ANKFN1: variants seen among roughly 807,000 people sequenced by gnomAD.
ANKFN1 encodes the protein ankyrin repeat and fibronectin type-III domain-containing protein 1.
A neutral mutation model predicts 108.7 loss-of-function variants in ANKFN1; 74 were observed. That is an observed-to-expected ratio of 0.68 (90% confidence interval 0.56 to 0.83). The LOEUF is 0.83. Ranked by LOEUF, ANKFN1 falls within the 40% of genes least tolerant of loss-of-function variation. The pLI is 0.00. For synonymous variants in ANKFN1, 547 were observed against 516.2 expected (o/e 1.06, Z -0.81); for missense variants, 1,505 against 1,382.3 (o/e 1.09, Z -1.41).
In ANKFN1 at chr17:56,500,035, C is replaced by G. The variant is rs1005485189; in HGVS notation, c.2644+937C>G. 7.2e-5 allele frequency among the ~76,000 whole-genome samples: 11 copies of G among 152,254 alleles called. No homozygotes were observed. In the South Asian group the frequency reaches 1.7e-3, roughly 23 times the overall value. ...GAGCTTGCACTTAGAAATCAGAGAC[C>G]TGGATTCAAATCCCAGCTTTGTTTT... On this transcript the variant is annotated intron_variant, in intron 20 of 20. Transcript: ENST00000682825.
chr17:56,215,139 G>A (rs1365748848), intron 2 of ANKFN1, among the ~76,000 whole-genome samples: 2 of 152,150 alleles, frequency 1.3e-5, no homozygotes, highest in Non-Finnish European at 2.9e-5. Flanking sequence ...CATCTTTTGT[G>A]GCCAAGTAAT....
intron 1 of ANKFN1, among the ~76,000 whole-genome samples, chr17:56,180,546 A>C (rs552457931): frequency 3.3e-5 from 5 of 152,334 alleles, no homozygotes; most frequent in African/African-American, 1.2e-4. Context: ...TTGGCATCTA[A>C]TTTATAAAAT....
chr17:56,229,047 G>A (rs1249202683), intron 3 of ANKFN1, among the ~76,000 whole-genome samples: 1 of 152,082 alleles, frequency 6.6e-6, no homozygotes, highest in Non-Finnish European at 1.5e-5. Flanking sequence ...TTCCCTAGGG[G>A]TTGGTTTTTT....
At chr17:56,241,658 T>G (rs1046798806) in intron 3 of ANKFN1, among the ~76,000 whole-genome samples, 2 of 152,136 alleles carry the variant, frequency 1.3e-5, no homozygotes, top group African/African-American at 4.8e-5. Context: ...CTATATATAC[T>G]ATGTCTTTTC....
intron 15 of ANKFN1, among the ~76,000 whole-genome samples, chr17:56,476,826 G>A (rs77125158): frequency 0.015 from 2,295 of 152,230 alleles, 44 homozygotes; most frequent in East Asian, 0.089. Context: ...TATCATTTTA[G>A]CTATCATACA....
intron 3 of ANKFN1, among the ~76,000 whole-genome samples, chr17:56,293,668 G>A (rs999880492): frequency 1.1e-4 from 17 of 152,206 alleles, no homozygotes; most frequent in African/African-American, 3.6e-4. Context: ...GCACAGAACA[G>A]ATGCTACCCA....
chr17:56,176,708 C>T lies in ANKFN1; in HGVS notation c.-71+23178C>T, dbSNP rs141317179. Among the ~76,000 whole-genome samples, 48 of 152,204 alleles carry T rather than the reference C, an allele frequency of 3.2e-4. No individual in the cohort carries two copies. The East Asian group carries it at 8.7e-3, about 28-fold the overall frequency. On this transcript the variant is annotated intron_variant, in intron 1 of 20. Coordinates refer to ENST00000682825, the MANE Select transcript of ANKFN1 (RefSeq NM_001370326.1). ...TGGAGCCTTGAACTAGGTCACCTGT[C>T]TTGTATGTAGGAAAACACTTCTTTG...
At chr17:56,467,783 G>GAAAGAAAGAAAGAGAA (rs2050145430) in intron 15 of ANKFN1, among the ~76,000 whole-genome samples, 4 of 22,866 alleles carry the variant, frequency 1.7e-4, no homozygotes, top group Admixed American at 8.3e-4. Context: ...AAGAAAGAAA[G>GAAAGAAAGAAAGAGAA]AAAGAAAGAA....
intron 4 of ANKFN1, among the ~76,000 whole-genome samples, chr17:56,121,131 C>T (rs1906591450): frequency 6.6e-6 from 1 of 151,876 alleles, no homozygotes; most frequent in South Asian, 2.1e-4. Flanking sequence ...GTCCAGATGT[C>T]CCCATCCTAC....
chr17:56,060,609 A>G (rs1904957137), intron 4 of ANKFN1, among the ~76,000 whole-genome samples: 1 of 152,162 alleles, frequency 6.6e-6, no homozygotes, highest in African/African-American at 2.4e-5. Flanking sequence ...TTTTCCATCA[A>G]TACCTAGTTT....
At chr17:56,423,368 C>T (rs554074332) in intron 8 of ANKFN1, among the ~76,000 whole-genome samples, 1 of 152,318 alleles carries the variant, frequency 6.6e-6, no homozygotes, top group East Asian at 1.9e-4. Flanking sequence ...TGAGAAGCAG[C>T]TCGCTGATTT....
At chr17:56,472,874 A>G (rs1258952727) in intron 15 of ANKFN1, 2 of 152,176 alleles carry the variant, frequency 1.3e-5, no homozygotes, top group Non-Finnish European at 2.9e-5. Flanking sequence ...AAAGAAAGAG[A>G]GAGAAAGAAC....
At chr17:56,102,611 T>C (rs371339508) in intron 4 of ANKFN1, among the ~76,000 whole-genome samples, 10 of 144,836 alleles carry the variant, frequency 6.9e-5, no homozygotes, top group African/African-American at 2.6e-4. Context: ...TCCTGAAAAA[T>C]GCCCAAGCCC....
chr17:56,224,382 A>T (rs1916098351), intron 2 of ANKFN1, among the ~76,000 whole-genome samples: 1 of 152,224 alleles, frequency 6.6e-6, no homozygotes, highest in South Asian at 2.1e-4. Context: ...TCAGAATAAG[A>T]GTACAGTAGC....
Position 56,388,157 on chromosome 17 carries a change from G to C in ANKFN1, c.910+13443G>C, listed in dbSNP as rs1430664770. 6.0e-5 allele frequency among the ~76,000 whole-genome samples: 8 copies of C among 132,642 alleles called. No homozygotes were observed. In the South Asian group the frequency reaches 1.9e-3, roughly 31 times the overall value. The allele number at this position is 132,642 out of a possible 152,430, so 87.0% of individuals were successfully genotyped here. On this transcript the variant is annotated intron_variant, in intron 8 of 20. Transcript: ENST00000682825. The stretch of plus-strand genomic sequence containing the variant: ...CTTTTTCTTTCTTTCTTTTTTTTTT[G>C]AGATGGAGTCTCACTCTGTCACCCA...
chr17:56,284,574 T>C (rs1021037961), intron 3 of ANKFN1, among the ~76,000 whole-genome samples: 14 of 152,116 alleles, frequency 9.2e-5, no homozygotes, highest in Admixed American at 9.2e-4. Context: ...TGGAAACCAT[T>C]AGAGTACAAA....
intron 20 of ANKFN1, 128 bp downstream of exon 20, chr17:56,499,226 G>A (rs1725062136): frequency 4.6e-6 from 4 of 862,826 alleles, no homozygotes; most frequent in Admixed American, 2.6e-5. Flanking sequence ...AGGGGTAAGA[G>A]TCTAACAGCA....
At chr17:56,497,179 T>C (rs989592601) in intron 19 of ANKFN1, among the ~76,000 whole-genome samples, 4 of 152,126 alleles carry the variant, frequency 2.6e-5, no homozygotes, top group African/African-American at 4.8e-5. Context: ...AACAACAATC[T>C]CACTGGGAAA....
intron 14 of ANKFN1, among the ~76,000 whole-genome samples, chr17:56,461,662 C>T (rs926989865): frequency 6.6e-6 from 1 of 152,130 alleles, no homozygotes; most frequent in Non-Finnish European, 1.5e-5. Context: ...ATCAGAATCC[C>T]AGAGTTTATT....
Sources: allele counts gnomAD v4.1 joint callset (sites outside exome capture counted in the v4.1 genomes callset), GRCh38; gene constraint gnomAD v4.1.1; transcripts MANE v1.5; gene names NCBI Gene and HGNC (gene_info 2026-07-23, HGNC 2026-07-21).